The following MPPED2 variants were observed in gnomAD, a reference collection of about 807,000 sequenced individuals.
The protein encoded by MPPED2 is metallophosphoesterase MPPED2.
MPPED2 carries 5 observed loss-of-function variants against 33.0 expected under a neutral mutation model. The ratio of observed to expected loss-of-function variants is 0.15; its 90% CI spans 0.08 to 0.32. MPPED2 has a LOEUF of 0.32. MPPED2 is among the 10% of genes least tolerant of loss of function. The probability of loss-of-function intolerance (pLI) is 1.00; values close to 1 mark genes in which losing one functional copy is unlikely to be tolerated. For missense variants in MPPED2, 275 were observed against 372.1 expected (o/e 0.74, Z 2.15); for synonymous variants, 136 against 141.9 (o/e 0.96, Z 0.29).
At chr11:30,464,843 T>A (rs796197472) in intron 4 of MPPED2, among the ~76,000 whole-genome samples, 5 of 152,332 alleles carry the variant, frequency 3.3e-5, no homozygotes, top group African/African-American at 9.6e-5. Context: ...AAGGAACTTA[T>A]CAGGTTGGGG....
At chr11:30,393,220 C>G (rs1013131733) in intron 6 of MPPED2, among the ~76,000 whole-genome samples, 1 of 152,108 alleles carries the variant, frequency 6.6e-6, no homozygotes, top group Non-Finnish European at 1.5e-5. Context: ...GTGTCCCACC[C>G]TCTGTGTCCT....
At chr11:30,563,734 CTG>C (rs752140416) in intron 2 of MPPED2, among the ~76,000 whole-genome samples, 3 of 152,164 alleles carry the variant, frequency 2.0e-5, no homozygotes, top group Admixed American at 1.3e-4. Context: ...ATATTGAAGA[CTG>C]TTTATTGATT....
chr11:30,458,911 G>GTTTTTT (rs1340798234), intron 4 of MPPED2, among the ~76,000 whole-genome samples: 9 of 86,320 alleles, frequency 1.0e-4, no homozygotes, highest in Non-Finnish European at 1.8e-4. Context: ...ATTTTGCACA[G>GTTTTTT]TTCTTTTTTT....
In MPPED2 at chr11:30,579,973, G is replaced by A. The variant is rs143886123; in HGVS notation, c.128+273C>T. ...TACTTTAACCTCTCTGTTCTTTTCC[G>A]TTCTTATCTATAAATAGGGGCAACC... On this transcript the variant is annotated intron_variant, in intron 2 of 6. Coordinates refer to ENST00000358117, the MANE Select transcript of MPPED2 (RefSeq NM_001584.3). 1.5e-4 allele frequency among the ~76,000 whole-genome samples: 23 copies of A among 152,196 alleles called. No individual in the cohort carries two copies. In the East Asian group the frequency reaches 3.9e-3, roughly 26 times the overall value.
chr11:30,536,663 A>G (rs749766116), intron 2 of MPPED2, among the ~76,000 whole-genome samples: 1 of 152,178 alleles, frequency 6.6e-6, no homozygotes, highest in Non-Finnish European at 1.5e-5. Context: ...AGATGTGGAG[A>G]GATAGCACTT....
At chr11:30,443,298 G>A (rs1379326877) in intron 4 of MPPED2, among the ~76,000 whole-genome samples, 1 of 152,202 alleles carries the variant, frequency 6.6e-6, no homozygotes, top group African/African-American at 2.4e-5. Context: ...TTCTTTAAGT[G>A]TCAGAGCTTA....
intron 4 of MPPED2, among the ~76,000 whole-genome samples, chr11:30,474,667 G>A (rs1204392921): frequency 6.6e-6 from 1 of 152,074 alleles, no homozygotes; most frequent in East Asian, 1.9e-4. Context: ...CACAAGAGGA[G>A]TCTGTCTACA....
chr11:30,422,676 G>C (rs1233245489), intron 4 of MPPED2, among the ~76,000 whole-genome samples: 1 of 152,098 alleles, frequency 6.6e-6, no homozygotes, highest in African/African-American at 2.4e-5. Context: ...GAATCCAAGG[G>C]AACAATGTCT....
At chr11:30,397,603 AG>A (rs2133703607) in intron 6 of MPPED2, among the ~76,000 whole-genome samples, 1 of 152,302 alleles carries the variant, frequency 6.6e-6, no homozygotes, top group East Asian at 1.9e-4. Flanking sequence ...AATGCTTGAT[AG>A]TAGTAGCTCA....
At chr11:30,440,696 C>T (rs1366392535) in intron 4 of MPPED2, among the ~76,000 whole-genome samples, 1 of 152,212 alleles carries the variant, frequency 6.6e-6, no homozygotes, top group Non-Finnish European at 1.5e-5. Flanking sequence ...GTTTTTTCCA[C>T]TGCAGTCTAC....
At chr11:30,515,320 T>C (rs370135541) in intron 3 of MPPED2, among the ~76,000 whole-genome samples, 72 of 152,212 alleles carry the variant, frequency 4.7e-4, no homozygotes, top group Non-Finnish European at 7.4e-4. Flanking sequence ...AAGGTGGTAG[T>C]GCACTGGCTG....
intron 3 of MPPED2, among the ~76,000 whole-genome samples, chr11:30,523,473 G>A (rs1211590838): frequency 6.6e-6 from 1 of 151,988 alleles, no homozygotes; most frequent in Non-Finnish European, 1.5e-5. Flanking sequence ...GGATAGGACA[G>A]GATATTAACA....
chr11:30,484,937 T>C (rs1335575320), intron 4 of MPPED2, among the ~76,000 whole-genome samples: 3 of 152,210 alleles, frequency 2.0e-5, no homozygotes, highest in Admixed American at 6.5e-5. Context: ...TCTTTTTTGC[T>C]TCTTCTCTTC....
intron 4 of MPPED2, among the ~76,000 whole-genome samples, chr11:30,492,363 A>G (rs527914377): frequency 3.4e-4 from 52 of 152,336 alleles, no homozygotes; most frequent in African/African-American, 1.3e-3. Flanking sequence ...CATTTCAGCA[A>G]CTATCAGTCC....
intron 4 of MPPED2, among the ~76,000 whole-genome samples, chr11:30,489,913 T>C (rs1951899295): frequency 6.6e-6 from 1 of 151,508 alleles, no homozygotes; most frequent in South Asian, 2.1e-4. Context: ...TATGTGGATT[T>C]TTTTTTTTTC....
intron 1 of MPPED2, among the ~76,000 whole-genome samples, chr11:30,585,575 C>T (rs546828267): frequency 2.6e-5 from 4 of 152,176 alleles, no homozygotes; most frequent in East Asian, 3.9e-4. Flanking sequence ...CTCGCTGAGC[C>T]CTCGTCCCCA....
At chr11:30,584,367 CA>C (rs71060455) in intron 1 of MPPED2, 42,936 of 151,662 alleles carry the variant, frequency 0.28, 6,933 homozygotes, top group Admixed American at 0.39. Context: ...CACACACACA[CA>C]CACACACACC....
intron 2 of MPPED2, among the ~76,000 whole-genome samples, chr11:30,553,504 C>A (rs1393520765): frequency 6.6e-6 from 1 of 152,176 alleles, no homozygotes; most frequent in African/African-American, 2.4e-5. Context: ...AACAAACAAA[C>A]AACAAACACG....
chr11:30,402,139 G>C (rs192627796), intron 6 of MPPED2, among the ~76,000 whole-genome samples: 1 of 152,122 alleles, frequency 6.6e-6, no homozygotes, highest in Admixed American at 6.6e-5. Context: ...GTGATGAAGG[G>C]GTTCTTTAAA....
Sources: allele counts gnomAD v4.1 joint callset (sites outside exome capture counted in the v4.1 genomes callset), GRCh38; gene constraint gnomAD v4.1.1; transcripts MANE v1.5; gene names NCBI Gene and HGNC (gene_info 2026-07-23, HGNC 2026-07-21).